Variants in THSD7A observed in about 807,000 individuals in gnomAD.
THSD7A encodes the protein thrombospondin type 1 domain containing 7A.
In THSD7A, 96 loss-of-function variants were observed where a neutral mutation model predicts 231.3. The observed-to-expected ratio is 0.41, with a 90% CI of 0.35 to 0.49. The LOEUF (loss-of-function observed/expected upper bound fraction) is 0.49. Among genes scored for constraint, THSD7A ranks in the 20% least tolerant of loss-of-function variants. The pLI is 0.05. For missense variants in THSD7A, 2,290 were observed against 2,070.2 expected, an observed-to-expected ratio of 1.11 and a Z score of -2.06; for synonymous variants, 940 against 743.3, an observed-to-expected ratio of 1.26 and a Z score of -4.30.
At chr7:11,709,312 A>C (rs1780873778) in intron 1 of THSD7A, among the ~76,000 whole-genome samples, 1 of 150,752 alleles carries the variant, frequency 6.6e-6, no homozygotes. Flanking sequence ...TAAGCACATG[A>C]ATTTATACCA....
rs146096186 is a variant in THSD7A at position 11,572,197 on chromosome 7, G to T, written c.1453+18263C>A. ...GGCCTCCCAAAGTGTTGGGATTACAGGCATGAGTCCCACCTTGTGTTTACT... is the reference window on the plus strand; with the variant it reads ...GGCCTCCCAAAGTGTTGGGATTACATGCATGAGTCCCACCTTGTGTTTACT... On this transcript the variant is annotated intron_variant, in intron 4 of 27. Coordinates refer to ENST00000423059, the MANE Select transcript of THSD7A (RefSeq NM_015204.3). Among the ~76,000 whole-genome samples the T allele has an allele frequency of 3.7e-3, 564 of 152,178 alleles. 2 individuals carry two copies. The highest frequency in any genetic ancestry group is 0.013 in the African/African-American group (543 of 41,528).
chr7:11,622,862 T>C (rs2128354161), intron 2 of THSD7A, among the ~76,000 whole-genome samples: 1 of 152,288 alleles, frequency 6.6e-6, no homozygotes, highest in South Asian at 2.1e-4. Flanking sequence ...CAAGTTAAGT[T>C]TTGGCTAAAT....
rs1476723937 is a variant in THSD7A, at chr7:11,370,378, A to G, written c.*5416T>C. 2 of 152,210 alleles carry G rather than the reference A, an allele frequency of 1.3e-5. No homozygotes were observed. The highest frequency in any genetic ancestry group is 2.9e-5 in the Non-Finnish European group (2 of 68,036). 9.4% of individuals were successfully genotyped at this position (152,210 alleles called of 1,614,324 possible). ...AGGATTTAGGTATTCACTGGAAAAAAATTTTAATCCATATTTAAGAAGCAA... is the reference window on the plus strand; with the variant it reads ...AGGATTTAGGTATTCACTGGAAAAAGATTTTAATCCATATTTAAGAAGCAA... On this transcript the variant is annotated 3_prime_UTR_variant, in exon 28 of 28. Transcript: ENST00000423059.
intron 24 of THSD7A, among the ~76,000 whole-genome samples, chr7:11,381,173 G>A (rs1782499483): frequency 6.6e-6 from 1 of 152,038 alleles, no homozygotes; most frequent in African/African-American, 2.4e-5. Context: ...ATCCCTCTCA[G>A]GACTCTTCTC....
chr7:11,428,917 T>C, intron 14 of THSD7A, 30 bp downstream of exon 14: 1 of 1,568,078 alleles, frequency 6.4e-7, no homozygotes, highest in Non-Finnish European at 8.6e-7. Flanking sequence ...ATCTCAACAA[T>C]ATCTTAACAC....
chr7:11,426,679 G>A lies in THSD7A; in HGVS notation c.3244-8C>T. ...AAGAGTTCTTACCTGTGCCTGGAGT[G>A]GTGTTCAACAGGAATGATGAAAAGG... On this transcript the variant is annotated splice_polypyrimidine_tract_variant and splice_region_variant and intron_variant, in intron 14 of 27. Coordinates refer to ENST00000423059, the MANE Select transcript of THSD7A (RefSeq NM_015204.3). 2 of 1,561,354 alleles carry A rather than the reference G, an allele frequency of 1.3e-6. No individual in the cohort carries two copies. Among genetic ancestry groups the A allele is most frequent in the Non-Finnish European group, 1.7e-6 (2 of 1,159,852 alleles).
rs769462347 is a variant in THSD7A, at chr7:11,462,063, G to A, written c.2449C>T (p.Pro817Ser). 1.2e-6 allele frequency: 2 copies of A among 1,613,788 alleles called. No individual in the cohort carries two copies. Among genetic ancestry groups the A allele is most frequent in the African/African-American group, 1.3e-5 (1 of 75,044 alleles). Reference protein sequence around the residue: ...PANGGRDCTDPLYEEKACEAP... With the variant: ...PANGGRDCTDSLYEEKACEAP... ...TCACAGGCCTTCTCTTCATAGAGGG[G>A]ATCTGTGCAGTCTCGGCCCCCGTTG... The change falls in exon 10 of 28, where the codon CCC becomes TCC. Residue 817 changes from proline to serine, a missense_variant. Transcript: ENST00000423059.
chr7:11,832,005 C>A lies in THSD7A; in HGVS notation c.-59G>T. 1 of 1,133,362 alleles carries A rather than the reference C, an allele frequency of 8.8e-7. No individual in the cohort carries two copies. Among genetic ancestry groups the A allele is most frequent in the Non-Finnish European group, 1.1e-6 (1 of 903,420 alleles). The allele number at this position is 1,133,362 out of a possible 1,614,324, so 70.2% of individuals were successfully genotyped here. Reference sequence around the variant, plus strand: ...AGCACGCTCGGCAGGGAATTTTTCTCCGCTCTTGGAACGTCTTTTCAAAGA... The same window carrying A: ...AGCACGCTCGGCAGGGAATTTTTCTACGCTCTTGGAACGTCTTTTCAAAGA... On this transcript the variant is annotated 5_prime_UTR_variant, in exon 1 of 28. Coordinates refer to ENST00000423059, the MANE Select transcript of THSD7A (RefSeq NM_015204.3).
At chr7:11,664,759 G>GCTGT in intron 1 of THSD7A, among the ~76,000 whole-genome samples, 1 of 152,058 alleles carries the variant, frequency 6.6e-6, no homozygotes, top group East Asian at 1.9e-4. Context: ...ACCTCTGAAT[G>GCTGT]CTGTCCCTTA....
chr7:11,742,079 T>C (rs940183380), intron 1 of THSD7A, among the ~76,000 whole-genome samples: 12 of 151,936 alleles, frequency 7.9e-5, no homozygotes, highest in Non-Finnish European at 1.5e-4. Flanking sequence ...AAGCAAAGTC[T>C]TTAACTTTTC....
At chr7:11,751,354 C>T (rs139609736) in intron 1 of THSD7A, 1 of 152,104 alleles carries the variant, frequency 6.6e-6, no homozygotes, top group East Asian at 2.0e-4. Flanking sequence ...GCACTCTGTC[C>T]TCATCAACAC....
chr7:11,533,123 A>G (rs1299473766), intron 6 of THSD7A, among the ~76,000 whole-genome samples: 1 of 152,208 alleles, frequency 6.6e-6, no homozygotes, highest in Non-Finnish European at 1.5e-5. Flanking sequence ...AATGAGATAT[A>G]TAGAAAACTC....
chr7:11,722,662 C>T lies in THSD7A; in HGVS notation c.191-85701G>A, dbSNP rs1347841649. Among the ~76,000 whole-genome samples the T allele has an allele frequency of 2.0e-5, 3 of 151,820 alleles. No homozygotes were observed. The East Asian group carries it at 5.9e-4, about 30-fold the overall frequency. ...CTAGCCTCTAAGCTCAACAAGTGGGCGAAGGATATGAACAGAAACTTCTCA... is the reference window on the plus strand; with the variant it reads ...CTAGCCTCTAAGCTCAACAAGTGGGTGAAGGATATGAACAGAAACTTCTCA... On this transcript the variant is annotated intron_variant, in intron 1 of 27. Transcript: ENST00000423059.
intron 4 of THSD7A, among the ~76,000 whole-genome samples, chr7:11,559,807 G>C (rs1391442021): frequency 1.3e-5 from 2 of 152,068 alleles, no homozygotes; most frequent in Non-Finnish European, 2.9e-5. Context: ...ACTAAGTGCT[G>C]GAGAAGACAT....
intron 2 of THSD7A, among the ~76,000 whole-genome samples, chr7:11,604,453 G>T (rs1433426486): frequency 1.3e-5 from 2 of 152,028 alleles, no homozygotes; most frequent in East Asian, 1.9e-4. Flanking sequence ...AATAGTTACT[G>T]CCAGGAACTA....
At chr7:11,685,849 C>G (rs901497899) in intron 1 of THSD7A, among the ~76,000 whole-genome samples, 1 of 151,918 alleles carries the variant, frequency 6.6e-6, no homozygotes, top group African/African-American at 2.4e-5. Flanking sequence ...CCATTTGACC[C>G]AGCAGTCCCA....
intron 6 of THSD7A, among the ~76,000 whole-genome samples, chr7:11,533,318 A>G (rs915713145): frequency 6.6e-6 from 1 of 152,136 alleles, no homozygotes; most frequent in Non-Finnish European, 1.5e-5. Context: ...TTTAGGGGAA[A>G]ATTCAAGAGC....
intron 6 of THSD7A, among the ~76,000 whole-genome samples, chr7:11,505,861 A>G (rs1246618989): frequency 6.6e-6 from 1 of 152,174 alleles, no homozygotes; most frequent in Non-Finnish European, 1.5e-5. Flanking sequence ...TATGGGGCTC[A>G]TTATCTAGTT....
At chr7:11,690,328 CATT>C (rs1444101888) in intron 1 of THSD7A, among the ~76,000 whole-genome samples, 1 of 151,684 alleles carries the variant, frequency 6.6e-6, no homozygotes, top group Non-Finnish European at 1.5e-5. Flanking sequence ...ATAACACAAA[CATT>C]AATATAAGTA....
Sources: allele counts gnomAD v4.1 joint callset (sites outside exome capture counted in the v4.1 genomes callset), GRCh38; gene constraint gnomAD v4.1.1; transcripts MANE v1.5; gene names NCBI Gene and HGNC (gene_info 2026-07-23, HGNC 2026-07-21).